Variants in OTUB1 observed in about 807,000 individuals in gnomAD.
The protein encoded by OTUB1 is ubiquitin thioesterase OTUB1.
In OTUB1, 10 loss-of-function variants were observed where a neutral mutation model predicts 35.8. That is an observed-to-expected ratio of 0.28 (90% confidence interval 0.17 to 0.47). The LOEUF (loss-of-function observed/expected upper bound fraction) is 0.47, where lower values mean the gene tolerates loss of function less well. OTUB1 is among the 20% of genes least tolerant of loss of function. The pLI is 0.99. For synonymous variants in OTUB1, 158 were observed against 143.8 expected, an observed-to-expected ratio of 1.10 and a Z score of -0.71; for missense variants, 264 against 351.6, an observed-to-expected ratio of 0.75 and a Z score of 1.99.
rs749631704 is a variant in OTUB1 at position 63,997,025 on chromosome 11, G to T, written c.424-25G>T. 4 of 1,612,366 alleles carry T rather than the reference G, an allele frequency of 2.5e-6. No homozygotes were observed. In the African/African-American group the frequency reaches 4.0e-5, roughly 16 times the overall value. ...CCACCCATCTCCTCCCCGTCATCTT[G>T]CCCTTTCTCCCTCCGTGGCTGCAGT... On this transcript the variant is annotated intron_variant, in intron 5 of 6. Coordinates refer to ENST00000538426, the MANE Select transcript of OTUB1 (RefSeq NM_017670.3).
intron 1 of OTUB1, among the ~76,000 whole-genome samples, chr11:63,987,382 G>T (rs1942631135): frequency 6.6e-6 from 1 of 152,198 alleles, no homozygotes; most frequent in African/African-American, 2.4e-5. Context: ...ATGACATTAA[G>T]AGAGAGCCAG....
In OTUB1 at chr11:63,992,716, A is replaced by G. The variant is rs1351599819; in HGVS notation, c.220-3814A>G. ...CAGATGCTCGCCACCATGCCTGGCT[A>G]ATTTTTGTATTTTTAGTAGAGGTGG... On this transcript the variant is annotated intron_variant, in intron 3 of 6. Transcript: ENST00000538426. 3.9e-5 allele frequency among the ~76,000 whole-genome samples: 6 copies of G among 152,048 alleles called. No individual in the cohort carries two copies. In the East Asian group the frequency reaches 1.2e-3, roughly 29 times the overall value.
chr11:63,987,379 TAAGA>T (rs1031422573), intron 1 of OTUB1, among the ~76,000 whole-genome samples: 2 of 152,160 alleles, frequency 1.3e-5, no homozygotes, highest in African/African-American at 4.8e-5. Flanking sequence ...AAGATGACAT[TAAGA>T]GAGAGCCAGG....
intron 3 of OTUB1, among the ~76,000 whole-genome samples, chr11:63,992,436 G>A (rs895038545): frequency 7.9e-6 from 1 of 126,652 alleles, no homozygotes; most frequent in Non-Finnish European, 1.6e-5. Context: ...AGAATGAGGG[G>A]TTGGGGCTGG....
Position 63,997,147 on chromosome 11 carries a change from A to T in OTUB1, c.521A>T (p.Tyr174Phe). The T allele has an allele frequency of 6.2e-7, 1 of 1,614,154 alleles. No individual in the cohort carries two copies. Among genetic ancestry groups the T allele is most frequent in the Non-Finnish European group, 8.5e-7 (1 of 1,180,006 alleles). Residue 174 changes from tyrosine to phenylalanine, a missense_variant, in exon 6 of 7, where the codon TAC (tyrosine) becomes TTC (phenylalanine). Coordinates refer to ENST00000538426, the MANE Select transcript of OTUB1 (RefSeq NM_017670.3). ...DQSTSDYLVV[Y>F]LRLLTSGYLQ... is the part of the protein sequence containing the mutation. Reference sequence around the variant, plus strand: ...AGCACCTCCGACTACCTTGTGGTCTACCTGCGGCTGCTCACCTCGGGCTAC... The same window carrying T: ...AGCACCTCCGACTACCTTGTGGTCTTCCTGCGGCTGCTCACCTCGGGCTAC...
intron 3 of OTUB1, 60 bp from the exon 4 acceptor site, chr11:63,996,470 C>G: frequency 6.4e-7 from 1 of 1,573,224 alleles, no homozygotes; most frequent in Non-Finnish European, 8.7e-7. Flanking sequence ...GGGGACATTT[C>G]CTTGGCCAGC....
At chr11:63,996,419 C>T in intron 3 of OTUB1, 111 bp from the exon 4 acceptor site, 1 of 1,199,278 alleles carries the variant, frequency 8.3e-7, no homozygotes. Flanking sequence ...CAGGTGGCTG[C>T]TGGGAGCTCA....
At position 63,996,656 on chromosome 11, in the gene OTUB1, G is replaced by C; in HGVS notation, c.338+8G>C. The C allele has an allele frequency of 6.2e-7, 1 of 1,614,218 alleles. No homozygotes were observed. Among genetic ancestry groups the C allele is most frequent in the Non-Finnish European group, 8.5e-7 (1 of 1,180,038 alleles). On this transcript the variant is annotated splice_region_variant and intron_variant, in intron 4 of 6. Transcript: ENST00000538426. The stretch of plus-strand genomic sequence containing the variant: ...CAGCAAGGAGTTGCAGCGGTGAGAA[G>C]GGTGGGCACTGGGCACCGAGGCAGG...
Position 63,997,605 on chromosome 11 carries a change from C to A in OTUB1, c.*59C>A. 1 of 1,475,574 alleles carries A rather than the reference C, an allele frequency of 6.8e-7. No homozygotes were observed. The highest frequency in any genetic ancestry group is 9.5e-7 in the Non-Finnish European group (1 of 1,057,572). 91.4% of individuals were successfully genotyped at this position (1,475,574 alleles called of 1,614,324 possible). A position where few individuals can be genotyped will look rare whatever the true frequency, so the allele number is the denominator to read the frequency against. The stretch of plus-strand genomic sequence containing the variant: ...CCCTCTGCCAGGCGCTAGACATGTA[C>A]AGAGGTTTTTCTGTGGTTGTAAATG... On this transcript the variant is annotated 3_prime_UTR_variant, in exon 7 of 7. Coordinates refer to ENST00000538426, the MANE Select transcript of OTUB1 (RefSeq NM_017670.3).
intron 3 of OTUB1, among the ~76,000 whole-genome samples, chr11:63,995,867 G>A (rs750971928): frequency 7.9e-5 from 12 of 152,028 alleles, no homozygotes; most frequent in Non-Finnish European, 1.3e-4. Flanking sequence ...TGAAGTGTGC[G>A]TGGTGGGTGG....
chr11:63,997,834 C>T lies in OTUB1; in HGVS notation c.*288C>T, dbSNP rs542279886. The T allele has an allele frequency of 1.1e-4, 78 of 691,464 alleles. No homozygotes were observed. In the African/African-American group the frequency reaches 1.2e-3, roughly 11 times the overall value. The allele number at this position is 691,464 out of a possible 1,614,324, so 42.8% of individuals were successfully genotyped here. On this transcript the variant is annotated 3_prime_UTR_variant, in exon 7 of 7. Coordinates refer to ENST00000538426, the MANE Select transcript of OTUB1 (RefSeq NM_017670.3). Reference sequence around the variant, plus strand: ...CCCAACAGGAGCAGGTTTGAGGGGCCAGGCCTCTTGGAGGCCCCTCCTGCT... The same window carrying T: ...CCCAACAGGAGCAGGTTTGAGGGGCTAGGCCTCTTGGAGGCCCCTCCTGCT...
intron 1 of OTUB1, among the ~76,000 whole-genome samples, chr11:63,987,988 A>G (rs1163957064): frequency 6.6e-6 from 1 of 152,212 alleles, no homozygotes; most frequent in Non-Finnish European, 1.5e-5. Context: ...GACTTTGCCA[A>G]GATGACACAC....
intron 3 of OTUB1, chr11:63,989,005 ACTT>A: frequency 2.9e-6 from 1 of 348,072 alleles, no homozygotes; most frequent in Non-Finnish European, 5.2e-6. Flanking sequence ...TAAGAGCAAA[ACTT>A]CATCTCAGAA....
intron 3 of OTUB1, among the ~76,000 whole-genome samples, chr11:63,991,011 A>G (rs1942667797): frequency 6.6e-6 from 1 of 152,198 alleles, no homozygotes; most frequent in African/African-American, 2.4e-5. Context: ...CAGCTGTGTG[A>G]GATCTGTGCA....
rs543852849 is a variant in OTUB1, at chr11:63,992,270, T to C, written c.219+3518T>C. 7.9e-4 allele frequency among the ~76,000 whole-genome samples: 119 copies of C among 150,992 alleles called. 1 individual carries two copies. Among genetic ancestry groups the C allele is most frequent in the African/African-American group, 2.8e-3 (114 of 41,206 alleles). ...AGCATTTGCCATTTTAAACAGGGCTTGGTGAAGGCCTTGCTGATGAGGTGG... is the reference window on the plus strand; with the variant it reads ...AGCATTTGCCATTTTAAACAGGGCTCGGTGAAGGCCTTGCTGATGAGGTGG... On this transcript the variant is annotated intron_variant, in intron 3 of 6. Coordinates refer to ENST00000538426, the MANE Select transcript of OTUB1 (RefSeq NM_017670.3).
chr11:63,992,919 C>G (rs1056034422), intron 3 of OTUB1, among the ~76,000 whole-genome samples: 13 of 152,188 alleles, frequency 8.5e-5, no homozygotes, highest in Non-Finnish European at 1.9e-4. Flanking sequence ...CTCCTGACCT[C>G]AAATGATCCA....
rs1942740037 is a variant in OTUB1, at chr11:63,997,845, G to T, written c.*299G>T. On this transcript the variant is annotated 3_prime_UTR_variant, in exon 7 of 7. Transcript: ENST00000538426. ...CAGGTTTGAGGGGCCAGGCCTCTTG[G>T]AGGCCCCTCCTGCTTCGTTGGGTTC... 2 of 686,458 alleles carry T rather than the reference G, an allele frequency of 2.9e-6. No homozygotes were observed. Among genetic ancestry groups the T allele is most frequent in the Non-Finnish European group, 5.3e-6 (2 of 376,562 alleles). The allele number at this position is 686,458 out of a possible 1,614,324, so 42.5% of individuals were successfully genotyped here.
intron 3 of OTUB1, among the ~76,000 whole-genome samples, chr11:63,994,296 A>G (rs1475080994): frequency 6.6e-6 from 1 of 152,138 alleles, no homozygotes; most frequent in Non-Finnish European, 1.5e-5. Flanking sequence ...TTTGTTGCCC[A>G]GGCTGGAGTG....
intron 1 of OTUB1, 123 bp downstream of exon 1, chr11:63,986,637 TCCTCCACCTCCGCTGCCTCC>T: frequency 1.4e-6 from 1 of 740,222 alleles, no homozygotes; most frequent in Non-Finnish European, 2.2e-6. Flanking sequence ...AGGGGTCCCT[TCCTCCACCTCCGCTGCCTCC>T]CCTCCCCCTC....
Sources: gnomAD v4.1 joint callset for allele counts (sites outside exome capture counted in the v4.1 genomes callset) on GRCh38, gnomAD v4.1.1 for gene constraint, MANE v1.5 for transcripts, NCBI Gene and HGNC (gene_info 2026-07-23, HGNC 2026-07-21) for gene names.